Variants in LGALSL observed in about 807,000 individuals in gnomAD.
LGALSL encodes galectin like.
Under a neutral mutation model 19.5 loss-of-function variants are expected in LGALSL, and 13 were observed. That is an observed-to-expected ratio of 0.67 (90% confidence interval 0.43 to 1.06). The LOEUF is 1.06. Ranked by LOEUF, LGALSL falls within the 50% of genes least tolerant of loss-of-function variation. The pLI, the probability that LGALSL is intolerant of heterozygous loss-of-function variation, is 0.00. For synonymous variants in LGALSL, 86 were observed against 78.3 expected, an observed-to-expected ratio of 1.10 and a Z score of -0.52; for missense variants, 189 against 219.3, an observed-to-expected ratio of 0.86 and a Z score of 0.87.
At position 64,458,345 on chromosome 2, in the gene LGALSL, G is replaced by T. The variant is rs1347845956; in HGVS notation, c.436G>T (p.Asp146Tyr). Residue 146 changes from aspartate to tyrosine, a missense_variant, in exon 5 of 5, where the codon GAT becomes TAT. Asp to Tyr is a radical substitution (Grantham distance 160). Coordinates refer to ENST00000238875, the MANE Select transcript of LGALSL (RefSeq NM_014181.3). Reference protein sequence around the residue: ...RVFVDGHQLFDFYHRIQTLSA... With the variant: ...RVFVDGHQLFYFYHRIQTLSA... ...GTTTGTGGATGGACACCAACTTTTTGATTTTTACCATCGCATTCAAACGTT... is the reference window on the plus strand; with the variant it reads ...GTTTGTGGATGGACACCAACTTTTTTATTTTTACCATCGCATTCAAACGTT... 3.1e-6 allele frequency: 5 copies of T among 1,613,732 alleles called. No homozygotes were observed. In the South Asian group the frequency reaches 3.3e-5, roughly 11 times the overall value.
At position 64,454,305 on chromosome 2, in the gene LGALSL, C is replaced by T. The variant is rs1686688876; in HGVS notation, c.-241C>T. 1 of 394,582 alleles carries T rather than the reference C, an allele frequency of 2.5e-6. No homozygotes were observed. Among genetic ancestry groups the T allele is most frequent in the Non-Finnish European group, 4.5e-6 (1 of 223,612 alleles). 24.4% of individuals were successfully genotyped at this position (394,582 alleles called of 1,614,324 possible). A position where few individuals can be genotyped will look rare whatever the true frequency, so the allele number is the denominator to read the frequency against. On this transcript the variant is annotated 5_prime_UTR_variant, in exon 1 of 5. Coordinates refer to ENST00000238875, the MANE Select transcript of LGALSL (RefSeq NM_014181.3). The surrounding 1 kb of genome is among the most constrained non-coding windows in gnomAD (Gnocchi z 5.1). ...CCGTCGGCCCGGGTCCGGGGCCGTT[C>T]TGGGCCGCGGCAAGCACCTTCGCCC...
Position 64,458,943 on chromosome 2 carries a change from AGCTTTCTT to A in LGALSL, c.*517_*524del, listed in dbSNP as rs1202110581. 6.6e-6 allele frequency: 1 copy of A among 152,284 alleles called. No individual in the cohort carries two copies. Among genetic ancestry groups the A allele is most frequent in the Non-Finnish European group, 1.5e-5 (1 of 68,116 alleles). The allele number at this position is 152,284 out of a possible 1,614,324, so 9.4% of individuals were successfully genotyped here. A position where few individuals can be genotyped will look rare whatever the true frequency, so the allele number is the denominator to read the frequency against. ...GCATAATGTTAATTCAGATTGTTGA[AGCTTTCTT>A]GTAGTTATTTATTTATACTCAATGT... On this transcript the variant is annotated 3_prime_UTR_variant, in exon 5 of 5. Transcript: ENST00000238875.
Position 64,454,697 on chromosome 2 carries a change from C to G in LGALSL, c.36+116C>G. The G allele has an allele frequency of 1.5e-6, 1 of 673,938 alleles. No homozygotes were observed. Among genetic ancestry groups the G allele is most frequent in the Non-Finnish European group, 2.0e-6 (1 of 489,678 alleles). The allele number at this position is 673,938 out of a possible 1,614,324, so 41.7% of individuals were successfully genotyped here. ...CCGCAGGCCCGGCCGGCGCCCGGCGCGTGGGAAGGCGCCCGGTACCTGTTA... is the reference window on the plus strand; with the variant it reads ...CCGCAGGCCCGGCCGGCGCCCGGCGGGTGGGAAGGCGCCCGGTACCTGTTA... On this transcript the variant is annotated intron_variant, in intron 1 of 4. Coordinates refer to ENST00000238875, the MANE Select transcript of LGALSL (RefSeq NM_014181.3). The surrounding 1 kb of genome is among the most constrained non-coding windows in gnomAD (Gnocchi z 5.1).
Position 64,454,507 on chromosome 2 carries a change from G to A in LGALSL, c.-39G>A, listed in dbSNP as rs1326380143. The stretch of plus-strand genomic sequence containing the variant: ...GGACAGCCCCGGGATCCCCGCCCGC[G>A]CGCCGCGTCCCACGTACCCCGCCGC... On this transcript the variant is annotated 5_prime_UTR_variant, in exon 1 of 5. Coordinates refer to ENST00000238875, the MANE Select transcript of LGALSL (RefSeq NM_014181.3). The surrounding 1 kb of genome is among the most constrained non-coding windows in gnomAD (Gnocchi z 5.1). The A allele has an allele frequency of 1.5e-6, 2 of 1,330,496 alleles. No homozygotes were observed. The highest frequency in any genetic ancestry group is 1.9e-6 in the Non-Finnish European group (2 of 1,031,474). The allele number at this position is 1,330,496 out of a possible 1,614,324, so 82.4% of individuals were successfully genotyped here. A position where few individuals can be genotyped will look rare whatever the true frequency, so the allele number is the denominator to read the frequency against.
chr2:64,454,962 C>A lies in LGALSL; in HGVS notation c.36+381C>A, dbSNP rs1686709137. Reference sequence around the variant, plus strand: ...GGAAATGGGTCGGCGCCCGGGGCTCCCGAGAGAAGTTGAGCACGGCCGCTG... The same window carrying A: ...GGAAATGGGTCGGCGCCCGGGGCTCACGAGAGAAGTTGAGCACGGCCGCTG... On this transcript the variant is annotated intron_variant, in intron 1 of 4. Transcript: ENST00000238875. This position sits in a 1 kb window ranked among gnomAD's most constrained non-coding sequence, Gnocchi z 5.1. 6.6e-6 allele frequency among the ~76,000 whole-genome samples: 1 copy of A among 152,204 alleles called. No homozygotes were observed. Among genetic ancestry groups the A allele is most frequent in the African/African-American group, 2.4e-5 (1 of 41,456 alleles).
At chr2:64,457,529 A>G (rs13391620) in intron 4 of LGALSL, among the ~76,000 whole-genome samples, 19,609 of 152,220 alleles carry the variant, frequency 0.13, 1,352 homozygotes, top group African/African-American at 0.17. Flanking sequence ...AATAATGACA[A>G]CTCAGTTAAA....
At chr2:64,455,534 T>C in intron 2 of LGALSL, 55 bp from the exon 3 acceptor site, 1 of 1,546,240 alleles carries the variant, frequency 6.5e-7, no homozygotes, top group Non-Finnish European at 8.9e-7. Flanking sequence ...GTCTGAGGTC[T>C]TGGCTTTTCC....
Position 64,454,174 on chromosome 2 carries a change from C to G in LGALSL, c.-372C>G, listed in dbSNP as rs575356016. The G allele has an allele frequency of 1.1e-3, 430 of 394,116 alleles. 3 individuals carry two copies. The highest frequency in any genetic ancestry group is 0.011 in the East Asian group (302 of 27,804). 24.4% of individuals were successfully genotyped at this position (394,116 alleles called of 1,614,324 possible). Reference sequence around the variant, plus strand: ...GGGTCCCCGCCCTGTTCCCGGTTCCCGAGCCGGGCCCCGGAGGCCTTTAAA... The same window carrying G: ...GGGTCCCCGCCCTGTTCCCGGTTCCGGAGCCGGGCCCCGGAGGCCTTTAAA... On this transcript the variant is annotated 5_prime_UTR_variant, in exon 1 of 5. Coordinates refer to ENST00000238875, the MANE Select transcript of LGALSL (RefSeq NM_014181.3). The surrounding 1 kb of genome is among the most constrained non-coding windows in gnomAD (Gnocchi z 5.1).
intron 3 of LGALSL, among the ~76,000 whole-genome samples, chr2:64,456,011 T>C (rs1342768038): frequency 2.0e-5 from 3 of 151,966 alleles, no homozygotes; most frequent in Non-Finnish European, 2.9e-5. Flanking sequence ...AACTTAACAT[T>C]ATTTCCCCTG....
chr2:64,456,548 A>G (rs1686740030), intron 4 of LGALSL, 83 bp downstream of exon 4: 2 of 1,145,914 alleles, frequency 1.7e-6, no homozygotes, highest in Admixed American at 2.9e-5. Context: ...GAACACTTGA[A>G]GCAGCCAGAA....
At position 64,460,237 on chromosome 2, in the gene LGALSL, T is replaced by C. The variant is rs1286023018; in HGVS notation, c.*1809T>C. 6.6e-6 allele frequency: 1 copy of C among 152,232 alleles called. No homozygotes were observed. Among genetic ancestry groups the C allele is most frequent in the Non-Finnish European group, 1.5e-5 (1 of 68,036 alleles). The allele number at this position is 152,232 out of a possible 1,614,324, so 9.4% of individuals were successfully genotyped here. On this transcript the variant is annotated 3_prime_UTR_variant, in exon 5 of 5. Coordinates refer to ENST00000238875, the MANE Select transcript of LGALSL (RefSeq NM_014181.3). ...TGTATCCAACAAGACTGGCTGTACA[T>C]TGAAAAGCTTTATGTACCAGCCAAC...
Position 64,458,538 on chromosome 2 carries a change from A to C in LGALSL, c.*110A>C. 5.5e-5 allele frequency: 61 copies of C among 1,102,738 alleles called. No individual in the cohort carries two copies. Among genetic ancestry groups the C allele is most frequent in the Non-Finnish European group, 7.2e-5 (56 of 778,402 alleles). 68.3% of individuals were successfully genotyped at this position (1,102,738 alleles called of 1,614,324 possible). On this transcript the variant is annotated 3_prime_UTR_variant, in exon 5 of 5. Coordinates refer to ENST00000238875, the MANE Select transcript of LGALSL (RefSeq NM_014181.3). Reference sequence around the variant, plus strand: ...AGACTTAAAAAGAAAACAAAAACAAATGGCAAGTTTCACTTAAGGGTGGTT... The same window carrying C: ...AGACTTAAAAAGAAAACAAAAACAACTGGCAAGTTTCACTTAAGGGTGGTT...
rs13420841 is a variant in LGALSL at position 64,458,402 on chromosome 2, G to A, written c.493G>A (p.Asp165Asn). 6.2e-7 allele frequency: 1 copy of A among 1,613,472 alleles called. No homozygotes were observed. The highest frequency in any genetic ancestry group is 8.5e-7 in the Non-Finnish European group (1 of 1,179,730). ...SAIDTIKINGDLQITKLG is the reference protein window; with the variant it reads ...SAIDTIKINGNLQITKLG ...AATTGACACCATAAAGATAAATGGA[G>A]ACCTCCAGATCACCAAGCTTGGCTG... The change falls in exon 5 of 5, where the codon GAC becomes AAC. Residue 165 changes from aspartate to asparagine, a missense_variant. Asp to Asn is a conservative substitution (Grantham distance 23). Around this residue, in one of 3 missense-constraint regions of LGALSL, gnomAD observed 106 missense variants for 119.3 expected, o/e 0.89. Coordinates refer to ENST00000238875, the MANE Select transcript of LGALSL (RefSeq NM_014181.3).
chr2:64,455,331 C>A lies in LGALSL; in HGVS notation c.37-13C>A. Reference sequence around the variant, plus strand: ...AGCCCATGGAAAGCCAATCTGTGTACTTCTATTTTTAGAAACTAGATGATG... The same window carrying A: ...AGCCCATGGAAAGCCAATCTGTGTAATTCTATTTTTAGAAACTAGATGATG... On this transcript the variant is annotated splice_polypyrimidine_tract_variant and intron_variant, in intron 1 of 4. Coordinates refer to ENST00000238875, the MANE Select transcript of LGALSL (RefSeq NM_014181.3). 6.2e-7 allele frequency: 1 copy of A among 1,600,954 alleles called. No homozygotes were observed. Among genetic ancestry groups the A allele is most frequent in the Non-Finnish European group, 8.6e-7 (1 of 1,168,034 alleles).
chr2:64,456,564 G>A (rs1191849322), intron 4 of LGALSL, 99 bp downstream of exon 4: 9 of 953,690 alleles, frequency 9.4e-6, no homozygotes, highest in Middle Eastern at 3.4e-4. Flanking sequence ...CAGAATTTCT[G>A]CATGTCCAGG....
chr2:64,458,411 A>G lies in LGALSL; in HGVS notation c.502A>G (p.Ile168Val), dbSNP rs922320621. The change falls in exon 5 of 5, where the codon ATC (isoleucine) becomes GTC (valine). Residue 168 changes from isoleucine to valine, a missense_variant. By Grantham distance (29) the Ile-to-Val change is conservative (BLOSUM62 3). Coordinates refer to ENST00000238875, the MANE Select transcript of LGALSL (RefSeq NM_014181.3). ...CATAAAGATAAATGGAGACCTCCAG[A>G]TCACCAAGCTTGGCTGATTTAAACC... ...DTIKINGDLQ[I>V]TKLG 6.2e-7 allele frequency: 1 copy of G among 1,613,510 alleles called. No individual in the cohort carries two copies. The highest frequency in any genetic ancestry group is 8.5e-7 in the Non-Finnish European group (1 of 1,179,750).
intron 3 of LGALSL, 64 bp from the exon 4 acceptor site, chr2:64,456,224 A>T: frequency 7.0e-7 from 1 of 1,422,766 alleles, no homozygotes; most frequent in South Asian, 1.2e-5. Context: ...AAATATAAGC[A>T]CTTGGGTCAT....
chr2:64,454,602 G>A lies in LGALSL; in HGVS notation c.36+21G>A. 4 of 1,397,622 alleles carry A rather than the reference G, an allele frequency of 2.9e-6. No homozygotes were observed. Among genetic ancestry groups the A allele is most frequent in the East Asian group, 3.1e-5 (1 of 32,146 alleles). 86.6% of individuals were successfully genotyped at this position (1,397,622 alleles called of 1,614,324 possible). On this transcript the variant is annotated intron_variant, in intron 1 of 4. Coordinates refer to ENST00000238875, the MANE Select transcript of LGALSL (RefSeq NM_014181.3). This position sits in a 1 kb window ranked among gnomAD's most constrained non-coding sequence, Gnocchi z 5.1. ...TGGTGGTGAGTGTGGCAGGGCGCGC[G>A]CGAGGCGCCCCTCCCCGCCGTCCCG...
At position 64,459,044 on chromosome 2, in the gene LGALSL, A is replaced by T. The variant is rs1266562184; in HGVS notation, c.*616A>T. 1 of 152,226 alleles carries T rather than the reference A, an allele frequency of 6.6e-6. No homozygotes were observed. The highest frequency in any genetic ancestry group is 1.5e-5 in the Non-Finnish European group (1 of 68,030). The allele number at this position is 152,226 out of a possible 1,614,324, so 9.4% of individuals were successfully genotyped here. On this transcript the variant is annotated 3_prime_UTR_variant, in exon 5 of 5. Coordinates refer to ENST00000238875, the MANE Select transcript of LGALSL (RefSeq NM_014181.3). ...AAACTTTTGAATGTATAAATATCTT[A>T]GGTCCAAGGGGAGAAAATTACATAT... is the stretch of plus-strand genomic sequence containing the variant.
Sources: allele counts gnomAD v4.1 joint callset (sites outside exome capture counted in the v4.1 genomes callset), GRCh38; gene constraint gnomAD v4.1.1; regional missense constraint gnomAD v4.1.1; non-coding constraint Gnocchi (gnomAD v3.1); transcripts MANE v1.5; gene names NCBI Gene and HGNC (gene_info 2026-07-23, HGNC 2026-07-21).